Variants in NKAIN3 observed in about 807,000 individuals in gnomAD.
NKAIN3 encodes sodium/potassium-transporting ATPase subunit beta-1-interacting protein 3.
NKAIN3 carries 25 observed loss-of-function variants against 30.2 expected under a neutral mutation model. The observed-to-expected ratio is 0.83, with a 90% CI of 0.60 to 1.16. The LOEUF (loss-of-function observed/expected upper bound fraction) is 1.16. NKAIN3 is among the 50% of genes most tolerant of loss of function. NKAIN3 has a pLI of 0.00. For missense variants in NKAIN3, 225 were observed against 254.1 expected (o/e 0.89, Z 0.78); for synonymous variants, 91 against 89.6 (o/e 1.02, Z -0.09).
At chr8:62,507,390 A>T (rs1365954199) in intron 1 of NKAIN3, among the ~76,000 whole-genome samples, 1 of 152,202 alleles carries the variant, frequency 6.6e-6, no homozygotes, top group African/African-American at 2.4e-5. Flanking sequence ...TTATTATTTG[A>T]ATAAGAGAAT....
chr8:62,605,325 G>A (rs1041474097), intron 3 of NKAIN3, among the ~76,000 whole-genome samples: 1 of 152,008 alleles, frequency 6.6e-6, no homozygotes, highest in Non-Finnish European at 1.5e-5. Context: ...GGAGCTTTCA[G>A]ACCAGCCCTG....
intron 4 of NKAIN3, among the ~76,000 whole-genome samples, chr8:62,812,768 T>C (rs1425536747): frequency 2.0e-5 from 3 of 151,948 alleles, no homozygotes; most frequent in Non-Finnish European, 4.4e-5. Flanking sequence ...ATTTATTCAA[T>C]GCTATTTTCC....
intron 1 of NKAIN3, among the ~76,000 whole-genome samples, chr8:62,449,925 A>G (rs1379538437): frequency 6.6e-6 from 1 of 152,176 alleles, no homozygotes; most frequent in East Asian, 1.9e-4. Flanking sequence ...GAAGGTAAAC[A>G]TGTATGCATA....
At chr8:62,538,076 A>G (rs1808721128) in intron 1 of NKAIN3, among the ~76,000 whole-genome samples, 1 of 152,182 alleles carries the variant, frequency 6.6e-6, no homozygotes, top group South Asian at 2.1e-4. Context: ...AAGGGAAAGG[A>G]AAACAGAGCC....
chr8:62,497,110 A>T (rs1161625676), intron 1 of NKAIN3, among the ~76,000 whole-genome samples: 3 of 152,228 alleles, frequency 2.0e-5, no homozygotes. Flanking sequence ...TCTGGAAAAG[A>T]CGTTGTTTCT....
At chr8:62,472,908 G>T (rs1460530725) in intron 1 of NKAIN3, among the ~76,000 whole-genome samples, 1 of 152,168 alleles carries the variant, frequency 6.6e-6, no homozygotes, top group East Asian at 1.9e-4. Context: ...GGGGAGACTT[G>T]AGTTTCTGCT....
At chr8:62,806,403 C>A (rs546232095) in intron 4 of NKAIN3, among the ~76,000 whole-genome samples, 1 of 152,124 alleles carries the variant, frequency 6.6e-6, no homozygotes, top group Admixed American at 6.6e-5. Flanking sequence ...TTGAACCAAC[C>A]CAAATGTGCA....
chr8:62,948,324 C>T lies in NKAIN3; in HGVS notation c.533-5578C>T, dbSNP rs182118723. On this transcript the variant is annotated intron_variant, in intron 5 of 6. Coordinates refer to ENST00000623646, the MANE Select transcript of NKAIN3 (RefSeq NM_001304533.3). ...AAGCAATTTTCCTGCCTCAGCCTCC[C>T]GAGTAGCTGAGATTACAGGCACGCG... Among the ~76,000 whole-genome samples the T allele has an allele frequency of 1.8e-4, 27 of 152,038 alleles. No homozygotes were observed. The East Asian group carries it at 3.7e-3, about 21-fold the overall frequency.
At chr8:62,988,906 G>A (rs1049364998), downstream of NKAIN3, among the ~76,000 whole-genome samples, 23 of 152,180 alleles carry the variant, frequency 1.5e-4, no homozygotes, top group Admixed American at 8.5e-4. Context: ...TCCTGAATGC[G>A]TCACCGCTTA....
intron 1 of NKAIN3, among the ~76,000 whole-genome samples, chr8:62,343,897 A>G (rs976381029): frequency 6.6e-6 from 1 of 152,120 alleles, no homozygotes; most frequent in Admixed American, 6.6e-5. Context: ...TAGAGATCAC[A>G]TTTTGATTCT....
chr8:62,473,337 T>C (rs1806416141), intron 1 of NKAIN3: 1 of 152,218 alleles, frequency 6.6e-6, no homozygotes, highest in East Asian at 1.9e-4. Context: ...TTTTCATTTA[T>C]TTGGCAGCAA....
At chr8:62,667,297 TA>T (rs1225543360) in intron 3 of NKAIN3, among the ~76,000 whole-genome samples, 1 of 141,700 alleles carries the variant, frequency 7.1e-6, no homozygotes, top group Non-Finnish European at 1.5e-5. Context: ...TAAAGTATAA[TA>T]AAAAATATAT....
chr8:62,729,032 AAAAAAAAC>A (rs1283440964), intron 3 of NKAIN3, among the ~76,000 whole-genome samples: 5 of 111,244 alleles, frequency 4.5e-5, no homozygotes, highest in Admixed American at 9.5e-5. Context: ...ACCAAAAAAA[AAAAAAAAC>A]AAAAAAAAAA....
chr8:62,962,427 A>C (rs1208326381), intron 6 of NKAIN3, among the ~76,000 whole-genome samples: 4 of 152,244 alleles, frequency 2.6e-5, no homozygotes, highest in Non-Finnish European at 5.9e-5. Context: ...TGAGTATTAA[A>C]TGATATTAAG....
At chr8:62,933,029 C>CACACACACA (rs3222063) in intron 5 of NKAIN3, among the ~76,000 whole-genome samples, 35 of 151,398 alleles carry the variant, frequency 2.3e-4, no homozygotes, top group South Asian at 4.2e-4. Context: ...CACACACACA[C>CACACACACA]CAGGGAATGA....
intron 1 of NKAIN3, among the ~76,000 whole-genome samples, chr8:62,455,682 T>A (rs566431440): frequency 2.6e-5 from 4 of 152,328 alleles, no homozygotes; most frequent in Admixed American, 2.6e-4. Flanking sequence ...GAACGTAGTT[T>A]CAATCTCACA....
At chr8:62,854,338 C>G (rs2130779083) in intron 4 of NKAIN3, among the ~76,000 whole-genome samples, 1 of 152,294 alleles carries the variant, frequency 6.6e-6, no homozygotes, top group Non-Finnish European at 1.5e-5. Context: ...GAGTCTAAGT[C>G]TCTGTTAAAG....
At chr8:62,418,714 G>C (rs1403201303) in intron 1 of NKAIN3, among the ~76,000 whole-genome samples, 2 of 152,170 alleles carry the variant, frequency 1.3e-5, no homozygotes, top group East Asian at 3.9e-4. Flanking sequence ...TTCAAAACTA[G>C]AGGTAGAAGC....
chr8:62,334,012 T>C (rs1815445570), intron 1 of NKAIN3, among the ~76,000 whole-genome samples: 1 of 152,064 alleles, frequency 6.6e-6, no homozygotes, highest in Admixed American at 6.6e-5. Context: ...TAAAAGAGTA[T>C]TGGCACAATA....
Sources: gnomAD v4.1 joint callset for allele counts (sites outside exome capture counted in the v4.1 genomes callset) on GRCh38, gnomAD v4.1.1 for gene constraint, MANE v1.5 for transcripts, NCBI Gene and HGNC (gene_info 2026-07-23, HGNC 2026-07-21) for gene names.